Variants in CLIC5 observed in about 807,000 individuals in gnomAD.
CLIC5 encodes chloride intracellular channel protein 5.
Under a neutral mutation model 24.7 loss-of-function variants are expected in CLIC5, and 20 were observed. The ratio of observed to expected loss-of-function variants is 0.81; its 90% confidence interval spans 0.57 to 1.18. The LOEUF is 1.18. Among genes scored for constraint, CLIC5 ranks in the 50% most tolerant of loss-of-function variants. CLIC5 has a pLI of 0.00. For missense variants in CLIC5, 341 were observed against 326.1 expected, an observed-to-expected ratio of 1.05 and a Z score of -0.35; for synonymous variants, 159 against 135.6, an observed-to-expected ratio of 1.17 and a Z score of -1.20.
intron 1 of CLIC5, among the ~76,000 whole-genome samples, chr6:46,042,890 C>T (rs1767846971): frequency 6.6e-6 from 1 of 152,160 alleles, no homozygotes; most frequent in Admixed American, 6.5e-5. Flanking sequence ...CTGTGCTCTA[C>T]TACATGCCTC....
intron 1 of CLIC5, among the ~76,000 whole-genome samples, chr6:45,974,647 G>A (rs1435486001): frequency 2.0e-5 from 3 of 151,450 alleles, no homozygotes; most frequent in Non-Finnish European, 4.4e-5. Flanking sequence ...TCAGGTGGGT[G>A]CATTCAAGGG....
At chr6:45,914,132 C>A in intron 5 of CLIC5, 96 bp downstream of exon 5, 1 of 1,020,890 alleles carries the variant, frequency 9.8e-7, no homozygotes, top group Non-Finnish European at 1.3e-6. Flanking sequence ...AGGTTCTTGA[C>A]CAACAGGTGG....
chr6:45,882,890 G>A (rs368970550), intron 6 of CLIC5, among the ~76,000 whole-genome samples: 282 of 152,312 alleles, frequency 1.9e-3, no homozygotes, highest in African/African-American at 6.6e-3. Context: ...ACAGTGAGAA[G>A]ACTAGAAGAG....
At chr6:45,937,746 T>A (rs1581765049) in intron 4 of CLIC5, 1 of 152,196 alleles carries the variant, frequency 6.6e-6, no homozygotes, top group East Asian at 1.9e-4. Context: ...AACTAATGGA[T>A]GATTCTCTCC....
the CLIC5 span, among the ~76,000 whole-genome samples, chr6:46,113,589 CA>C: frequency 1.4e-4 from 21 of 152,250 alleles, no homozygotes; most frequent in African/African-American, 5.1e-4. Context: ...GCAGGTGGGT[CA>C]AATCTGCAAA....
the CLIC5 span, among the ~76,000 whole-genome samples, chr6:46,109,427 C>A: frequency 2.5e-3 from 376 of 147,530 alleles, 2 homozygotes; most frequent in African/African-American, 9.1e-3. Flanking sequence ...CGCCTATAAT[C>A]CCAGCACTTT....
At chr6:46,016,310 C>T (rs993145018), upstream of CLIC5, among the ~76,000 whole-genome samples, 1 of 152,164 alleles carries the variant, frequency 6.6e-6, no homozygotes, top group Non-Finnish European at 1.5e-5. Context: ...CACTACCAGC[C>T]TTACCCACTT....
At chr6:45,995,702 A>C (rs1186409148) in intron 1 of CLIC5, among the ~76,000 whole-genome samples, 13 of 152,206 alleles carry the variant, frequency 8.5e-5, no homozygotes, top group Non-Finnish European at 1.0e-4. Context: ...AGAAAATTCC[A>C]TTTATTTTTT....
At chr6:45,919,326 G>A (rs946816272) in intron 4 of CLIC5, among the ~76,000 whole-genome samples, 1 of 152,142 alleles carries the variant, frequency 6.6e-6, no homozygotes, top group Admixed American at 6.5e-5. Flanking sequence ...TTTGGAAAGC[G>A]AATACAGGTT....
intron 1 of CLIC5, among the ~76,000 whole-genome samples, chr6:46,065,350 T>G (rs1172078256): frequency 4.0e-5 from 6 of 150,616 alleles, no homozygotes; most frequent in African/African-American, 1.5e-4. Context: ...TTCAAGGTTT[T>G]TTTTTTTTTT....
chr6:46,000,193 G>A (rs1347626309), intron 1 of CLIC5, among the ~76,000 whole-genome samples: 1 of 152,198 alleles, frequency 6.6e-6, no homozygotes, highest in Non-Finnish European at 1.5e-5. Context: ...GCTATTAGTA[G>A]TTAAGATTTT....
the CLIC5 span, among the ~76,000 whole-genome samples, chr6:46,127,688 GA>G: frequency 3.9e-5 from 6 of 152,022 alleles, no homozygotes; most frequent in Non-Finnish European, 5.9e-5. Flanking sequence ...TTTCCATTGA[GA>G]AAAAAAGTAA....
chr6:46,039,616 ATATAAT>A (rs529616008), intron 1 of CLIC5, among the ~76,000 whole-genome samples: 10 of 152,250 alleles, frequency 6.6e-5, no homozygotes, highest in South Asian at 4.1e-4. Flanking sequence ...ATTTGCTGAG[ATATAAT>A]TATAAATAAA....
intron 1 of CLIC5, among the ~76,000 whole-genome samples, chr6:46,042,491 G>T (rs1767834704): frequency 1.3e-5 from 2 of 152,118 alleles, no homozygotes; most frequent in Non-Finnish European, 2.9e-5. Context: ...GCCTTGGGAG[G>T]CACTGAGGCC....
intron 1 of CLIC5, among the ~76,000 whole-genome samples, chr6:46,069,635 T>C (rs1023246714): frequency 6.6e-6 from 1 of 152,082 alleles, no homozygotes; most frequent in African/African-American, 2.4e-5. Context: ...AGCTGAATCC[T>C]ACCAGATGTA....
At chr6:45,881,134 C>T (rs1323940008) in exon 7 of CLIC5, 3 of 398,026 alleles carry the variant, frequency 7.5e-6, no homozygotes, top group African/African-American at 2.1e-5. Context: ...CTCCCCATTT[C>T]TTCTGCTTGC....
In CLIC5 at chr6:45,903,153, A is replaced by G; in HGVS notation, c.691T>C (p.Cys231Arg). 6.2e-7 allele frequency: 1 copy of G among 1,614,200 alleles called. No homozygotes were observed. Among genetic ancestry groups the G allele is most frequent in the Middle Eastern group, 1.6e-4 (1 of 6,062 alleles). Residue 231 changes from cysteine (C) to arginine (R), a missense_variant, in exon 6 of 6, where the codon TGT (cysteine) becomes CGT (arginine). Cys to Arg is a radical substitution (Grantham distance 180, BLOSUM62 -3). Transcript: ENST00000339561. ...AYARDEFTNT[C>R]AADSEIELAY... Reference sequence around the variant, plus strand: ...AACTCGATCTCACTGTCAGCTGCACAGGTGTTGGTGAACTCATCACGGGCA... The same window carrying G: ...AACTCGATCTCACTGTCAGCTGCACGGGTGTTGGTGAACTCATCACGGGCA...
At chr6:45,928,475 A>G (rs910314703) in intron 4 of CLIC5, among the ~76,000 whole-genome samples, 1 of 152,232 alleles carries the variant, frequency 6.6e-6, no homozygotes, top group Admixed American at 6.5e-5. Flanking sequence ...AACCACAGAC[A>G]AGGGGTTATG....
At chr6:46,018,693 G>A (rs771342974), upstream of CLIC5, 2 of 152,136 alleles carry the variant, frequency 1.3e-5, no homozygotes, top group African/African-American at 4.8e-5. Context: ...CACAAATGTG[G>A]TGCAAGTTTT....
Sources: gnomAD v4.1 joint callset for allele counts (sites outside exome capture counted in the v4.1 genomes callset) on GRCh38, gnomAD v4.1.1 for gene constraint, MANE v1.5 for transcripts, NCBI Gene and HGNC (gene_info 2026-07-23, HGNC 2026-07-21) for gene names.